The following RANBP3L variants were observed in gnomAD, a reference collection of about 807,000 sequenced individuals.
RANBP3L encodes RAN binding protein 3 like.
A neutral mutation model predicts 67.2 loss-of-function variants in RANBP3L; 56 were observed. The ratio of observed to expected loss-of-function variants is 0.83; its 90% CI spans 0.67 to 1.04. The LOEUF (loss-of-function observed/expected upper bound fraction) is 1.04, where lower values mean the gene tolerates loss of function less well. Ranked by LOEUF, RANBP3L falls within the 50% of genes least tolerant of loss-of-function variation. The probability of loss-of-function intolerance (pLI) is 0.00; values close to 1 mark genes in which losing one functional copy is unlikely to be tolerated. For synonymous variants in RANBP3L, 164 were observed against 181.4 expected, an observed-to-expected ratio of 0.90 and a Z score of 0.77; for missense variants, 496 against 535.5, an observed-to-expected ratio of 0.93 and a Z score of 0.73.
intron 1 of RANBP3L, among the ~76,000 whole-genome samples, chr5:36,292,638 C>A (rs1751878904): frequency 6.6e-6 from 1 of 152,044 alleles, no homozygotes; most frequent in Non-Finnish European, 1.5e-5. Flanking sequence ...GTTTTCCCAG[C>A]ACCATTTATT....
intron 4 of RANBP3L, chr5:36,268,307 G>C: frequency 7.1e-7 from 1 of 1,399,392 alleles, no homozygotes; most frequent in East Asian, 2.7e-5. Flanking sequence ...AAGAAAGTGG[G>C]TTTTTTGTTT....
At chr5:36,284,857 A>G (rs1751216022) in intron 1 of RANBP3L, among the ~76,000 whole-genome samples, 1 of 152,208 alleles carries the variant, frequency 6.6e-6, no homozygotes, top group Non-Finnish European at 1.5e-5. Context: ...GGTAATTCAT[A>G]TAGAAATTAA....
At chr5:36,270,081 T>C (rs1750102559) in intron 2 of RANBP3L, 91 bp from the exon 3 acceptor site, 2 of 1,135,828 alleles carry the variant, frequency 1.8e-6, no homozygotes, top group Non-Finnish European at 2.7e-6. Context: ...CAATTAAAAG[T>C]AATGGCAAAA....
intron 1 of RANBP3L, among the ~76,000 whole-genome samples, chr5:36,299,290 C>CATATATACACATACGTATATCTGTAT (rs1554021612): frequency 5.9e-5 from 9 of 151,656 alleles, no homozygotes; most frequent in South Asian, 2.1e-4. Context: ...CATATACACA[C>CATATATACACATACGTATATCTGTAT]ATATATACAC....
intron 10 of RANBP3L, 70 bp from the exon 11 acceptor site, chr5:36,255,660 T>C: frequency 8.9e-7 from 1 of 1,129,100 alleles, no homozygotes; most frequent in Non-Finnish European, 1.3e-6. Context: ...TCCTATGTTA[T>C]GACACGTTTA....
chr5:36,281,720 C>T (rs981460475), intron 1 of RANBP3L, among the ~76,000 whole-genome samples: 2 of 152,168 alleles, frequency 1.3e-5, no homozygotes, highest in Non-Finnish European at 2.9e-5. Context: ...CACATTCTGA[C>T]TCTAAAGAGA....
chr5:36,270,747 C>T (rs572908970), intron 2 of RANBP3L, among the ~76,000 whole-genome samples: 7 of 152,296 alleles, frequency 4.6e-5, no homozygotes, highest in South Asian at 4.1e-4. Flanking sequence ...GTCCTCCCAC[C>T]GTGGCCTCGA....
intron 1 of RANBP3L, among the ~76,000 whole-genome samples, chr5:36,297,039 C>T (rs764119542): frequency 6.6e-6 from 1 of 152,022 alleles, no homozygotes; most frequent in Non-Finnish European, 1.5e-5. Flanking sequence ...TATTCTCTCT[C>T]GTTAAAATTT....
At chr5:36,291,909 T>C (rs1751811715) in intron 1 of RANBP3L, among the ~76,000 whole-genome samples, 1 of 136,228 alleles carries the variant, frequency 7.3e-6, no homozygotes, top group African/African-American at 2.8e-5. Context: ...CCTTTGGGTA[T>C]ATACCCAGTA....
intron 1 of RANBP3L, among the ~76,000 whole-genome samples, chr5:36,289,377 T>C (rs779664392): frequency 1.3e-5 from 2 of 152,194 alleles, no homozygotes; most frequent in Non-Finnish European, 2.9e-5. Context: ...TTAGTTATTC[T>C]AGGTCCTTAA....
Position 36,255,503 on chromosome 5 carries a change from T to A in RANBP3L, c.991A>T (p.Ser331Cys). The change falls in exon 11 of 14, where the codon AGC becomes TGC. Residue 331 changes from serine (S) to cysteine (C), a missense_variant. Physicochemically the swap from Ser to Cys is moderately radical, Grantham distance 112. Transcript: ENST00000296604. ...GACTGTAATGTTCCACAGTCAGTGC[T>A]TGCTGTGTCATTCAGTCTCAACGTT... is the stretch of plus-strand genomic sequence containing the variant. Reference protein sequence around the residue: ...RGTLRLNDTASTDCGTLQSRL... With the variant: ...RGTLRLNDTACTDCGTLQSRL... 6.2e-7 allele frequency: 1 copy of A among 1,612,096 alleles called. No homozygotes were observed. Among genetic ancestry groups the A allele is most frequent in the Admixed American group, 1.7e-5 (1 of 59,952 alleles).
At chr5:36,272,865 C>T (rs999608639) in intron 1 of RANBP3L, among the ~76,000 whole-genome samples, 1 of 152,102 alleles carries the variant, frequency 6.6e-6, no homozygotes, top group African/African-American at 2.4e-5. Flanking sequence ...CTGGTCTCGA[C>T]CTCCTGACCT....
chr5:36,294,929 C>T (rs1257891097), intron 1 of RANBP3L, among the ~76,000 whole-genome samples: 2 of 145,496 alleles, frequency 1.4e-5, no homozygotes, highest in African/African-American at 2.5e-5. Flanking sequence ...ATAATATATG[C>T]ATATATACAT....
intron 11 of RANBP3L, among the ~76,000 whole-genome samples, chr5:36,254,379 T>C (rs990307572): frequency 2.0e-5 from 3 of 152,118 alleles, no homozygotes; most frequent in African/African-American, 7.2e-5. Context: ...GATAGGCCTT[T>C]AAGTGACTTT....
At chr5:36,253,186 A>G (rs1006889833) in intron 12 of RANBP3L, among the ~76,000 whole-genome samples, 2 of 151,924 alleles carry the variant, frequency 1.3e-5, no homozygotes, top group African/African-American at 4.8e-5. Context: ...CAGAATTGGA[A>G]TTTGCTGTTG....
intron 1 of RANBP3L, among the ~76,000 whole-genome samples, chr5:36,300,291 C>T (rs530721925): frequency 6.6e-6 from 1 of 152,264 alleles, no homozygotes; most frequent in South Asian, 2.1e-4. Context: ...ACATTGTTTT[C>T]ATTTACCATG....
chr5:36,264,202 C>T (rs1280513001), intron 6 of RANBP3L, among the ~76,000 whole-genome samples: 1 of 152,170 alleles, frequency 6.6e-6, no homozygotes, highest in Admixed American at 6.5e-5. Flanking sequence ...CTTATGTTCA[C>T]TAAGGGAAAA....
intron 1 of RANBP3L, among the ~76,000 whole-genome samples, chr5:36,299,090 C>T (rs184431872): frequency 2.6e-5 from 4 of 151,988 alleles, no homozygotes; most frequent in Non-Finnish European, 4.4e-5. Context: ...GGCAAAAAAA[C>T]GTGAAAAGGT....
At chr5:36,258,868 C>A (rs1417010331) in intron 8 of RANBP3L, among the ~76,000 whole-genome samples, 1 of 152,206 alleles carries the variant, frequency 6.6e-6, no homozygotes, top group Non-Finnish European at 1.5e-5. Flanking sequence ...CCTGGCCTCA[C>A]CCACAGGCAT....
Sources: gnomAD v4.1 joint callset for allele counts (sites outside exome capture counted in the v4.1 genomes callset) on GRCh38, gnomAD v4.1.1 for gene constraint, MANE v1.5 for transcripts, NCBI Gene and HGNC (gene_info 2026-07-23, HGNC 2026-07-21) for gene names.